DOCK1: variants seen among roughly 807,000 people sequenced by gnomAD.
DOCK1 encodes dedicator of cytokinesis protein 1.
DOCK1 carries 138 observed loss-of-function variants against 262.7 expected under a neutral mutation model. The observed-to-expected ratio is 0.53, with a 90% CI of 0.46 to 0.61. The LOEUF (loss-of-function observed/expected upper bound fraction) is 0.61, where lower values mean the gene tolerates loss of function less well. Ranked by LOEUF, DOCK1 falls within the 20% of genes least tolerant of loss-of-function variation. The pLI is 0.00. For synonymous variants in DOCK1, 866 were observed against 867.4 expected (o/e 1.00, Z 0.03); for missense variants, 1,908 against 2,370.7 (o/e 0.80, Z 4.05).
rs2047666900 is a variant in DOCK1 at position 127,093,223 on chromosome 10, C to CTTTCTTTCTTTCT, written c.2446-13005_2446-12993dup. 1.0e-3 allele frequency among the ~76,000 whole-genome samples: 99 copies of CTTTCTTTCTTTCT among 94,484 alleles called. 1 individual carries two copies. The highest frequency in any genetic ancestry group is 4.2e-3 in the African/African-American group (85 of 20,230). 62.0% of individuals were successfully genotyped at this position (94,484 alleles called of 152,430 possible). On this transcript the variant is annotated intron_variant, in intron 23 of 51. Transcript: ENST00000623213. ...TTTTCTTTCTTTCTTTCTTTCTTTT[C>CTTTCTTTCTTTCT]TTTCTTTCTTTCTTTCTTCTTTTTT...
chr10:126,977,211 G>A (rs1490555010), intron 2 of DOCK1, among the ~76,000 whole-genome samples: 1 of 152,228 alleles, frequency 6.6e-6, no homozygotes, highest in Non-Finnish European at 1.5e-5. Flanking sequence ...CCTGAGAGGG[G>A]TGCCAGGGGT....
At chr10:127,042,602 C>A (rs2044093102) in intron 19 of DOCK1, 23 bp from the exon 20 acceptor site, 9 of 1,610,670 alleles carry the variant, frequency 5.6e-6, no homozygotes, top group Non-Finnish European at 7.6e-6. Flanking sequence ...CACATTGTCA[C>A]CCGACCTTCT....
chr10:126,998,378 G>A, intron 8 of DOCK1, 129 bp downstream of exon 8: 1 of 1,289,720 alleles, frequency 7.8e-7, no homozygotes, highest in Non-Finnish European at 1.1e-6. Context: ...CGAGCAAGCA[G>A]CCGAGTCAAG....
intron 4 of DOCK1, among the ~76,000 whole-genome samples, chr10:126,986,129 C>T (rs781142690): frequency 2.6e-5 from 4 of 152,260 alleles, no homozygotes; most frequent in South Asian, 4.1e-4. Context: ...CAGGCGTGAG[C>T]CACCACACCC....
At chr10:127,251,703 A>G (rs1200379748) in intron 28 of DOCK1, among the ~76,000 whole-genome samples, 1 of 150,704 alleles carries the variant, frequency 6.6e-6, no homozygotes, top group Non-Finnish European at 1.5e-5. Context: ...CCTACAAAGG[A>G]CATGAACTCA....
At chr10:127,112,013 A>ATT (rs759300995) in intron 25 of DOCK1, among the ~76,000 whole-genome samples, 1 of 142,012 alleles carries the variant, frequency 7.0e-6, no homozygotes. Context: ...ATTCAATTAG[A>ATT]TTTTTTTTTT....
intron 27 of DOCK1, among the ~76,000 whole-genome samples, chr10:127,245,640 G>A (rs988250062): frequency 2.0e-5 from 3 of 152,164 alleles, no homozygotes; most frequent in East Asian, 1.9e-4. Context: ...TCCGCATGAC[G>A]TGACAGTCTG....
Position 127,150,341 on chromosome 10 carries a change from C to T in DOCK1, c.2847+22577C>T, listed in dbSNP as rs150479273. Among the ~76,000 whole-genome samples the T allele has an allele frequency of 9.2e-3, 1,375 of 149,700 alleles. 5 individuals are homozygous for T. Among genetic ancestry groups the T allele is most frequent in the Non-Finnish European group, 0.015 (1,005 of 67,308 alleles). On this transcript the variant is annotated intron_variant, in intron 27 of 51. Coordinates refer to ENST00000623213, the MANE Select transcript of DOCK1 (RefSeq NM_001290223.2). ...AGCTCAATCCCCATTGCTCACCCTC[C>T]CCTTTCTCTTTGCTCAGTGGGACCC...
At chr10:127,113,137 T>C (rs2048967137) in intron 25 of DOCK1, among the ~76,000 whole-genome samples, 1 of 152,212 alleles carries the variant, frequency 6.6e-6, no homozygotes, top group African/African-American at 2.4e-5. Flanking sequence ...GCTTTTTTCC[T>C]GTTTCTTGTT....
chr10:127,318,945 G>A (rs996865558), intron 29 of DOCK1, among the ~76,000 whole-genome samples: 3 of 152,166 alleles, frequency 2.0e-5, no homozygotes, highest in Non-Finnish European at 1.5e-5. Flanking sequence ...GTGGGTGCTG[G>A]GGCTGTCCCT....
At chr10:127,184,055 G>T (rs2055987284) in intron 27 of DOCK1, among the ~76,000 whole-genome samples, 1 of 152,130 alleles carries the variant, frequency 6.6e-6, no homozygotes, top group South Asian at 2.1e-4. Context: ...TGGAGGAGGA[G>T]GACTCAGTGG....
At chr10:126,986,349 TC>T (rs1229212543) in intron 4 of DOCK1, among the ~76,000 whole-genome samples, 1 of 152,140 alleles carries the variant, frequency 6.6e-6, no homozygotes, top group East Asian at 1.9e-4. Context: ...CTTCCACAGG[TC>T]TGGGCTCTGT....
intron 38 of DOCK1, among the ~76,000 whole-genome samples, chr10:127,389,177 AG>A (rs2066319366): frequency 6.6e-6 from 1 of 152,206 alleles, no homozygotes; most frequent in South Asian, 2.1e-4. Context: ...GAATCCCACC[AG>A]GTGGCCAGTG....
chr10:126,913,644 T>C lies in DOCK1; in HGVS notation c.46+8081T>C, dbSNP rs2032131144. Reference sequence around the variant, plus strand: ...GTTTTGGCCTGCCACTCTGCAGTTATCCACATGCCCACATGCACGTGGGAA... The same window carrying C: ...GTTTTGGCCTGCCACTCTGCAGTTACCCACATGCCCACATGCACGTGGGAA... On this transcript the variant is annotated intron_variant, in intron 1 of 51. Transcript: ENST00000623213. Among the ~76,000 whole-genome samples, 3 of 152,202 alleles carry C rather than the reference T, an allele frequency of 2.0e-5. No homozygotes were observed. The South Asian group carries it at 6.2e-4, about 32-fold the overall frequency.
intron 23 of DOCK1, among the ~76,000 whole-genome samples, chr10:127,071,588 AT>A (rs1183362857): frequency 1.3e-5 from 2 of 152,182 alleles, no homozygotes; most frequent in East Asian, 3.9e-4. Context: ...TGGTTTACTG[AT>A]TTTTTTATCA....
At chr10:127,098,635 G>A (rs950202857) in intron 23 of DOCK1, among the ~76,000 whole-genome samples, 19 of 152,226 alleles carry the variant, frequency 1.2e-4, no homozygotes, top group Admixed American at 2.0e-4. Context: ...GGAGGAGCCC[G>A]GACAGCACCC....
At chr10:126,912,087 A>G (rs2031852074) in intron 1 of DOCK1, among the ~76,000 whole-genome samples, 1 of 152,094 alleles carries the variant, frequency 6.6e-6, no homozygotes. Flanking sequence ...CCCTGTCTTC[A>G]TAGGGTCTTC....
intron 4 of DOCK1, among the ~76,000 whole-genome samples, chr10:126,984,495 C>G (rs2039211509): frequency 6.6e-6 from 1 of 151,610 alleles, no homozygotes. Context: ...TACAGGCATT[C>G]ACCACCATGC....
intron 27 of DOCK1, among the ~76,000 whole-genome samples, chr10:127,156,591 A>G (rs2483846): frequency 0.98 from 120,460 of 123,160 alleles, 58,906 homozygotes; most frequent in East Asian, 0.99. Context: ...TTTTGAGACC[A>G]AGTTTCGCTC....
Sources: gnomAD v4.1 joint callset for allele counts (sites outside exome capture counted in the v4.1 genomes callset) on GRCh38, gnomAD v4.1.1 for gene constraint, MANE v1.5 for transcripts, NCBI Gene and HGNC (gene_info 2026-07-23, HGNC 2026-07-21) for gene names.